MFF: variants seen among roughly 807,000 people sequenced by gnomAD.
MFF encodes the protein chromosome 2 open reading frame 33.
MFF carries 12 observed loss-of-function variants against 36.9 expected under a neutral mutation model. The ratio of observed to expected loss-of-function variants is 0.33; its 90% CI spans 0.21 to 0.53. The LOEUF (loss-of-function observed/expected upper bound fraction) is 0.53, where lower values mean the gene tolerates loss of function less well. Ranked by LOEUF, MFF falls within the 20% of genes least tolerant of loss-of-function variation. MFF has a pLI of 0.95. For missense variants in MFF, 348 were observed against 366.6 expected, an observed-to-expected ratio of 0.95 and a Z score of 0.42; for synonymous variants, 99 against 126.2, an observed-to-expected ratio of 0.78 and a Z score of 1.44.
chr2:227,326,295 C>T lies in MFF; in HGVS notation c.-153+868C>T, dbSNP rs542295154. Among the ~76,000 whole-genome samples the T allele has an allele frequency of 2.6e-5, 4 of 151,738 alleles. No homozygotes were observed. In the East Asian group the frequency reaches 5.8e-4, roughly 22 times the overall value. ...ACCATTTGTATTCAGGCCTCTCATC[C>T]ACCGAGAGACTTAAGATGATCACAA... On this transcript the variant is annotated intron_variant, in intron 1 of 8. Coordinates refer to ENST00000304593, the MANE Select transcript of MFF (RefSeq NM_001277062.2).
Position 227,340,294 on chromosome 2 carries a change from C to G in MFF, c.354C>G (p.Ile118Met). 6.2e-7 allele frequency: 1 copy of G among 1,613,302 alleles called. No homozygotes were observed. Among genetic ancestry groups the G allele is most frequent in the Non-Finnish European group, 8.5e-7 (1 of 1,179,422 alleles). Reference sequence around the variant, plus strand: ...TCCCTCTCTTTGTGCCTTAACAGATCCGAGCAGTTGGCAGACTAAAAAGAG... The same window carrying G: ...TCCCTCTCTTTGTGCCTTAACAGATGCGAGCAGTTGGCAGACTAAAAAGAG... ...RPPTTPQNEEIRAVGRLKRER... is the reference protein window; with the variant it reads ...RPPTTPQNEEMRAVGRLKRER... Residue 118 changes from isoleucine to methionine, a missense_variant and splice_region_variant, in exon 5 of 9, where the codon ATC becomes ATG. By Grantham distance (10) the Ile-to-Met change is conservative (BLOSUM62 1). Coordinates refer to ENST00000304593, the MANE Select transcript of MFF (RefSeq NM_001277062.2).
At chr2:227,348,481 C>CAT (rs2075823940) in intron 6 of MFF, among the ~76,000 whole-genome samples, 1 of 152,098 alleles carries the variant, frequency 6.6e-6, no homozygotes, top group African/African-American at 2.4e-5. Flanking sequence ...AAGCTCATGG[C>CAT]ATGAGGGTGT....
At chr2:227,352,363 AT>A (rs1335821726) in intron 6 of MFF, 150 bp from the exon 7 acceptor site, 7 of 585,262 alleles carry the variant, frequency 1.2e-5, no homozygotes, top group Non-Finnish European at 2.1e-5. Flanking sequence ...TGAGACAAGG[AT>A]TTTTTAAAGT....
chr2:227,351,593 A>G (rs1260977080), intron 6 of MFF: 1 of 152,046 alleles, frequency 6.6e-6, no homozygotes, highest in African/African-American at 2.4e-5. Context: ...TGGATCCAAC[A>G]CTCCAGTCTC....
In MFF at chr2:227,331,782, T is replaced by G. The variant is rs537013931; in HGVS notation, c.182-637T>G. On this transcript the variant is annotated intron_variant, in intron 3 of 8. Coordinates refer to ENST00000304593, the MANE Select transcript of MFF (RefSeq NM_001277062.2). ...TCTGCTCATGTGCTTTTTGTCCATT[T>G]ATATATATTTGTTGTGAAGTATCTA... Among the ~76,000 whole-genome samples, 6 of 152,292 alleles carry G rather than the reference T, an allele frequency of 3.9e-5. No homozygotes were observed. The South Asian group carries it at 1.2e-3, about 32-fold the overall frequency.
At chr2:227,349,432 T>A (rs547167056) in intron 6 of MFF, among the ~76,000 whole-genome samples, 28 of 152,272 alleles carry the variant, frequency 1.8e-4, no homozygotes, top group African/African-American at 6.0e-4. Flanking sequence ...TTGATAACTC[T>A]AAAATCCCTT....
intron 6 of MFF, 144 bp from the exon 7 acceptor site, chr2:227,352,370 A>G: frequency 1.7e-6 from 1 of 598,528 alleles, no homozygotes; most frequent in Non-Finnish European, 3.0e-6. Context: ...AGGATTTTTT[A>G]AAGTAGTTGA....
chr2:227,330,622 A>C lies in MFF; in HGVS notation c.-40-4A>C, dbSNP rs1349475388. 7.0e-7 allele frequency: 1 copy of C among 1,420,576 alleles called. No homozygotes were observed. The allele number at this position is 1,420,576 out of a possible 1,614,324, so 88.0% of individuals were successfully genotyped here. ...AGCCCTGTCTTTAAATTTTTCTCCC[A>C]CAGGGTGAGCAGGGCAGCATTTCCT... On this transcript the variant is annotated splice_polypyrimidine_tract_variant and splice_region_variant and intron_variant, in intron 2 of 8. Coordinates refer to ENST00000304593, the MANE Select transcript of MFF (RefSeq NM_001277062.2).
chr2:227,355,499 A>G (rs973602848), intron 7 of MFF, 178 bp from the exon 8 acceptor site: 29 of 368,624 alleles, frequency 7.9e-5, no homozygotes, highest in Middle Eastern at 7.6e-4. Context: ...TGTCATTTTA[A>G]GCTTTTTTCT....
intron 3 of MFF, 27 bp from the exon 4 acceptor site, chr2:227,332,392 T>G (rs1407152773): frequency 6.6e-7 from 1 of 1,517,360 alleles, no homozygotes; most frequent in African/African-American, 1.5e-5. Flanking sequence ...TTTTCTCTTC[T>G]TTGTCTCTTT....
intron 3 of MFF, among the ~76,000 whole-genome samples, chr2:227,332,215 G>A (rs572750653): frequency 2.6e-5 from 4 of 151,464 alleles, no homozygotes; most frequent in African/African-American, 4.9e-5. Flanking sequence ...CTCGTGATCC[G>A]CCCGCCTCGG....
At chr2:227,336,045 T>C (rs1267704335) in intron 4 of MFF, among the ~76,000 whole-genome samples, 1 of 152,212 alleles carries the variant, frequency 6.6e-6, no homozygotes. Context: ...GCTGTAACAC[T>C]GACATTACCA....
intron 5 of MFF, chr2:227,342,794 G>A (rs752944748): frequency 6.2e-7 from 1 of 1,613,570 alleles, no homozygotes; most frequent in Non-Finnish European, 8.5e-7. Context: ...AAGGTTCCAG[G>A]CACCGATTTC....
At chr2:227,348,196 G>T (rs1202061629) in intron 6 of MFF, among the ~76,000 whole-genome samples, 1 of 152,074 alleles carries the variant, frequency 6.6e-6, no homozygotes, top group Non-Finnish European at 1.5e-5. Context: ...GCATTTTGAA[G>T]AATTTCACAA....
chr2:227,333,866 A>C (rs1459597093), intron 4 of MFF, among the ~76,000 whole-genome samples: 1 of 152,108 alleles, frequency 6.6e-6, no homozygotes, highest in Non-Finnish European at 1.5e-5. Flanking sequence ...TGCTTCTCCT[A>C]ATTGAAAGCA....
chr2:227,354,195 T>G (rs1376700653), intron 7 of MFF, among the ~76,000 whole-genome samples: 1 of 152,222 alleles, frequency 6.6e-6, no homozygotes, highest in East Asian at 1.9e-4. Flanking sequence ...ATCTATTGTT[T>G]AAGGTTTTTT....
intron 6 of MFF, 24 bp from the exon 7 acceptor site, chr2:227,352,489 CT>C: frequency 6.6e-7 from 1 of 1,511,330 alleles, no homozygotes; most frequent in Non-Finnish European, 8.9e-7. Context: ...TGTCTTGTGC[CT>C]TCTCCCGCAA....
intron 4 of MFF, among the ~76,000 whole-genome samples, chr2:227,338,430 C>A (rs80066402): frequency 6.6e-6 from 1 of 151,510 alleles, no homozygotes; most frequent in African/African-American, 2.4e-5. Flanking sequence ...GCCACCGTGC[C>A]CAACCAAAAA....
chr2:227,337,430 A>C (rs2075088350), intron 4 of MFF, among the ~76,000 whole-genome samples: 1 of 152,200 alleles, frequency 6.6e-6, no homozygotes, highest in South Asian at 2.1e-4. Context: ...TAGAGGAAAA[A>C]CACGAAGGCT....
Sources: allele counts gnomAD v4.1 joint callset (sites outside exome capture counted in the v4.1 genomes callset), GRCh38; gene constraint gnomAD v4.1.1; transcripts MANE v1.5; gene names NCBI Gene and HGNC (gene_info 2026-07-23, HGNC 2026-07-21).